Variants in KIFC3 observed in about 807,000 individuals in gnomAD.
KIFC3 encodes kinesin family member C3.
KIFC3 carries 60 observed loss-of-function variants against 101.8 expected under a neutral mutation model. The ratio of observed to expected loss-of-function variants is 0.59; its 90% CI spans 0.48 to 0.73. The LOEUF (loss-of-function observed/expected upper bound fraction) is 0.73, where lower values mean the gene tolerates loss of function less well. KIFC3 is among the 30% of genes least tolerant of loss of function. The pLI, the probability that KIFC3 is intolerant of heterozygous loss-of-function variation, is 0.00. For missense variants in KIFC3, 966 were observed against 1,137.1 expected, an observed-to-expected ratio of 0.85 and a Z score of 2.16; for synonymous variants, 476 against 482.7, an observed-to-expected ratio of 0.99 and a Z score of 0.18.
chr16:57,760,203 G>A (rs896092647), intron 17 of KIFC3, 79 bp downstream of exon 17: 95 of 1,516,238 alleles, frequency 6.3e-5, no homozygotes, highest in African/African-American at 1.5e-4. Context: ...GGACGTCCCC[G>A]CCCAGCTCCC....
At chr16:57,830,760 G>T (rs1464857900) in intron 1 of KIFC3, 1 of 152,190 alleles carries the variant, frequency 6.6e-6, no homozygotes, top group Non-Finnish European at 1.5e-5. Flanking sequence ...AGGAGTAAAA[G>T]CCAGAAGAAT....
intron 1 of KIFC3, among the ~76,000 whole-genome samples, chr16:57,799,737 G>T (rs528599528): frequency 6.6e-6 from 1 of 152,178 alleles, no homozygotes; most frequent in African/African-American, 2.4e-5. Flanking sequence ...AGGGCTCACT[G>T]CGGGGTGGAA....
intron 1 of KIFC3, among the ~76,000 whole-genome samples, chr16:57,818,279 T>G (rs1555629276): frequency 6.6e-6 from 1 of 152,160 alleles, no homozygotes; most frequent in African/African-American, 2.4e-5. Flanking sequence ...CAACAAAACC[T>G]TGAGGGGCTT....
chr16:57,813,264 G>C (rs1268060547), intron 1 of KIFC3, among the ~76,000 whole-genome samples: 1 of 152,018 alleles, frequency 6.6e-6, no homozygotes, highest in African/African-American at 2.4e-5. Flanking sequence ...GGATGCGGAG[G>C]TTGCAGTGAG....
chr16:57,760,552 T>C (rs1386617880), intron 16 of KIFC3, 136 bp from the exon 17 acceptor site: 4 of 1,165,668 alleles, frequency 3.4e-6, no homozygotes, highest in East Asian at 4.7e-5. Context: ...GCAGGCAACA[T>C]GGCAGAGGTG....
At chr16:57,782,197 C>A (rs12935285) in intron 3 of KIFC3, 633,633 of 961,888 alleles carry the variant, frequency 0.66, 214,072 homozygotes, top group Non-Finnish European at 0.69. Flanking sequence ...ATTCTTACAA[C>A]AGATCCACCC....
At chr16:57,773,311 G>A (rs2051532629) in intron 3 of KIFC3, among the ~76,000 whole-genome samples, 1 of 152,210 alleles carries the variant, frequency 6.6e-6, no homozygotes, top group African/African-American at 2.4e-5. Flanking sequence ...GGGACAGCCA[G>A]GTAAGGCAGG....
intron 3 of KIFC3, among the ~76,000 whole-genome samples, chr16:57,793,703 C>A (rs925965892): frequency 4.6e-5 from 7 of 151,608 alleles, no homozygotes; most frequent in African/African-American, 1.7e-4. Flanking sequence ...ATGATGCACA[C>A]CTGTAATCCC....
At chr16:57,793,935 G>C (rs573237975) in intron 3 of KIFC3, among the ~76,000 whole-genome samples, 1 of 152,214 alleles carries the variant, frequency 6.6e-6, no homozygotes, top group Admixed American at 6.5e-5. Context: ...AGGACTAAGA[G>C]AGGCAGTTTC....
intron 1 of KIFC3, among the ~76,000 whole-genome samples, chr16:57,801,136 G>A (rs2054698131): frequency 6.6e-6 from 1 of 152,210 alleles, no homozygotes; most frequent in Non-Finnish European, 1.5e-5. Context: ...TGAATGCAGA[G>A]GGCCTGGCTG....
chr16:57,772,621 C>T (rs1397967991), intron 3 of KIFC3, among the ~76,000 whole-genome samples: 8 of 152,116 alleles, frequency 5.3e-5, no homozygotes, highest in African/African-American at 1.7e-4. Context: ...CCCCTCACTA[C>T]ACGAGCCCCT....
chr16:57,783,498 G>GTT (rs2052981993), intron 3 of KIFC3, among the ~76,000 whole-genome samples: 1 of 128,032 alleles, frequency 7.8e-6, no homozygotes, highest in Non-Finnish European at 1.6e-5. Flanking sequence ...TTGAGACAGA[G>GTT]TTTCACTCTT....
In KIFC3 at chr16:57,764,173, C is replaced by T. The variant is rs1555600487; in HGVS notation, c.1587G>A (p.Gln529=). ...GFNVCIFAYG[Q]TGAGKTYTME... is the part of the protein sequence containing the mutation. ...TCGTGTACGTCTTGCCGGCGCCCGT[C>T]TGGCCGTACGCAAAGATGCAGACAT... Residue 529 remains glutamine (Q), a synonymous_variant, in exon 12 of 20, where the codon CAG becomes CAA. Transcript: ENST00000445690. 2 of 1,603,920 alleles carry T rather than the reference C, an allele frequency of 1.2e-6. No individual in the cohort carries two copies. The highest frequency in any genetic ancestry group is 1.7e-6 in the Non-Finnish European group (2 of 1,174,098).
At chr16:57,847,803 T>TGTGA (rs1475141468) in intron 1 of KIFC3, among the ~76,000 whole-genome samples, 56 of 143,934 alleles carry the variant, frequency 3.9e-4, no homozygotes, top group Non-Finnish European at 5.2e-4. Flanking sequence ...TGTGTGTGTG[T>TGTGA]GAGACCGAGT....
intron 1 of KIFC3, among the ~76,000 whole-genome samples, chr16:57,809,710 A>C (rs1271090855): frequency 6.6e-6 from 1 of 152,046 alleles, no homozygotes; most frequent in Non-Finnish European, 1.5e-5. Flanking sequence ...TTCACTTTCT[A>C]AACATGTTGC....
chr16:57,817,704 AG>A (rs1398847176), intron 1 of KIFC3, among the ~76,000 whole-genome samples: 1 of 152,208 alleles, frequency 6.6e-6, no homozygotes, highest in East Asian at 1.9e-4. Flanking sequence ...ACCTCTGCAA[AG>A]GCCCAAAAAG....
chr16:57,815,702 G>C (rs1555628651), intron 1 of KIFC3: 1 of 1,243,320 alleles, frequency 8.0e-7, no homozygotes, highest in Non-Finnish European at 1.1e-6. Context: ...GAGAAGGGGA[G>C]CAAATATCTG....
intron 12 of KIFC3, 96 bp downstream of exon 12, chr16:57,764,047 C>T: frequency 3.4e-6 from 3 of 875,868 alleles, no homozygotes; most frequent in East Asian, 4.9e-5. Flanking sequence ...CCAAATGAGG[C>T]AAAACACACA....
chr16:57,840,292 C>G (rs535805841), intron 1 of KIFC3, among the ~76,000 whole-genome samples: 3 of 151,906 alleles, frequency 2.0e-5, no homozygotes, highest in Admixed American at 2.0e-4. Flanking sequence ...GAGCTGAGAT[C>G]GAGCCACTGA....
Sources: allele counts gnomAD v4.1 joint callset (sites outside exome capture counted in the v4.1 genomes callset), GRCh38; gene constraint gnomAD v4.1.1; transcripts MANE v1.5; gene names NCBI Gene and HGNC (gene_info 2026-07-23, HGNC 2026-07-21).